MECOM: variants seen among roughly 807,000 people sequenced by gnomAD.
MECOM encodes MDS1 and EVI1 complex locus, also known as histone-lysine N-methyltransferase MECOM.
A neutral mutation model predicts 116.3 loss-of-function variants in MECOM; 13 were observed. The observed-to-expected ratio is 0.11, with a 90% CI of 0.07 to 0.18. The LOEUF (loss-of-function observed/expected upper bound fraction) is 0.18. Ranked by LOEUF, MECOM falls within the 10% of genes least tolerant of loss-of-function variation. The pLI, the probability that MECOM is intolerant of heterozygous loss-of-function variation, is 1.00. For missense variants in MECOM, 1,299 were observed against 1,509.0 expected, an observed-to-expected ratio of 0.86 and a Z score of 2.31; for synonymous variants, 528 against 535.2, an observed-to-expected ratio of 0.99 and a Z score of 0.19.
At chr3:169,265,331 T>G (rs761011365) in intron 2 of MECOM, among the ~76,000 whole-genome samples, 5 of 152,180 alleles carry the variant, frequency 3.3e-5, no homozygotes, top group Admixed American at 6.5e-5. Flanking sequence ...CCTTGCTGTG[T>G]GGGCAGACAG....
chr3:169,293,508 G>A (rs929038299), intron 2 of MECOM, among the ~76,000 whole-genome samples: 5 of 152,118 alleles, frequency 3.3e-5, no homozygotes, highest in African/African-American at 1.2e-4. Flanking sequence ...TAGCCCCATG[G>A]CTCACTGTTA....
intron 2 of MECOM, among the ~76,000 whole-genome samples, chr3:169,189,417 C>A (rs939809049): frequency 1.3e-5 from 2 of 151,980 alleles, no homozygotes; most frequent in African/African-American, 4.8e-5. Flanking sequence ...GGAAAAAAAT[C>A]CTTTGGGGCT....
At chr3:169,610,895 A>G (rs1201848366) in intron 1 of MECOM, among the ~76,000 whole-genome samples, 1 of 152,198 alleles carries the variant, frequency 6.6e-6, no homozygotes. Context: ...TGCTGAATGA[A>G]TGGATGACTG....
chr3:169,662,499 G>A (rs1312202916), intron 1 of MECOM, among the ~76,000 whole-genome samples: 1 of 152,088 alleles, frequency 6.6e-6, no homozygotes, highest in African/African-American at 2.4e-5. Flanking sequence ...CCCCACGTCC[G>A]AGCGCTCGCT....
intron 2 of MECOM, among the ~76,000 whole-genome samples, chr3:169,218,097 G>T (rs1451240037): frequency 2.6e-5 from 4 of 151,856 alleles, no homozygotes; most frequent in Non-Finnish European, 5.9e-5. Context: ...TAGCTTATAG[G>T]TTGATAATCC....
intron 1 of MECOM, among the ~76,000 whole-genome samples, chr3:169,645,063 A>G (rs956639235): frequency 6.6e-6 from 1 of 152,200 alleles, no homozygotes; most frequent in African/African-American, 2.4e-5. Flanking sequence ...ACCATTAGGA[A>G]CACAGACCAA....
At chr3:169,527,545 G>A (rs551375321) in intron 1 of MECOM, among the ~76,000 whole-genome samples, 3 of 152,218 alleles carry the variant, frequency 2.0e-5, no homozygotes, top group African/African-American at 7.2e-5. Context: ...TTTCTTTTCA[G>A]GGCTTTATAG....
At chr3:169,161,346 G>T (rs963511174) in intron 2 of MECOM, among the ~76,000 whole-genome samples, 3 of 152,060 alleles carry the variant, frequency 2.0e-5, no homozygotes, top group African/African-American at 7.2e-5. Context: ...AGCAAGAGAG[G>T]CACAGTCTTA....
At chr3:169,091,721 A>AG (rs1419057879) in intron 14 of MECOM, among the ~76,000 whole-genome samples, 2 of 152,102 alleles carry the variant, frequency 1.3e-5, no homozygotes, top group Non-Finnish European at 2.9e-5. Flanking sequence ...AGAGACTGGA[A>AG]GGGTCTTTTT....
At chr3:169,119,292 T>G (rs1160702622) in intron 7 of MECOM, among the ~76,000 whole-genome samples, 1 of 152,240 alleles carries the variant, frequency 6.6e-6, no homozygotes, top group East Asian at 1.9e-4. Context: ...TTTCCTGATC[T>G]TTAATCTCTT....
intron 2 of MECOM, among the ~76,000 whole-genome samples, chr3:169,281,422 C>T (rs900137599): frequency 6.6e-6 from 1 of 152,168 alleles, no homozygotes; most frequent in South Asian, 2.1e-4. Context: ...GCTTTGTGAA[C>T]TCTAAAGCAT....
intron 1 of MECOM, among the ~76,000 whole-genome samples, chr3:169,407,220 C>T (rs1736851021): frequency 6.6e-6 from 1 of 152,152 alleles, no homozygotes; most frequent in Admixed American, 6.5e-5. Flanking sequence ...GACAAATAAA[C>T]TCATTAAAAT....
intron 1 of MECOM, among the ~76,000 whole-genome samples, chr3:169,548,292 T>C (rs1232369948): frequency 6.6e-6 from 1 of 152,212 alleles, no homozygotes; most frequent in African/African-American, 2.4e-5. Flanking sequence ...CCTTTTTCTC[T>C]ATTTACTTAA....
intron 2 of MECOM, among the ~76,000 whole-genome samples, chr3:169,304,331 T>G (rs1261122075): frequency 1.3e-5 from 2 of 152,218 alleles, no homozygotes; most frequent in Non-Finnish European, 1.5e-5. Flanking sequence ...TTTGTTCCCA[T>G]GAGAATAATT....
Position 169,312,365 on chromosome 3 carries a change from A to ATTT in MECOM, c.375+68819_375+68821dup, listed in dbSNP as rs367932449. Among the ~76,000 whole-genome samples the ATTT allele has an allele frequency of 4.3e-4, 51 of 118,452 alleles. 3 individuals carry two copies. The highest frequency in any genetic ancestry group is 7.5e-4 in the African/African-American group (23 of 30,810). The allele number at this position is 118,452 out of a possible 152,430, so 77.7% of individuals were successfully genotyped here. A position where few individuals can be genotyped will look rare whatever the true frequency, so the allele number is the denominator to read the frequency against. ...ATGAGAAGAGGCAAGAATGACTGCA[A>ATTT]TTTTTTTTTTTTTTTTTTTTTGAGT... is the stretch of plus-strand genomic sequence containing the variant. On this transcript the variant is annotated intron_variant, in intron 2 of 16. Coordinates refer to ENST00000651503, the MANE Select transcript of MECOM (RefSeq NM_004991.4).
intron 2 of MECOM, among the ~76,000 whole-genome samples, chr3:169,200,732 C>G (rs1309669322): frequency 1.3e-5 from 2 of 151,984 alleles, no homozygotes; most frequent in Non-Finnish European, 2.9e-5. Context: ...AAGGTCTTCC[C>G]CAGACAGCTT....
At chr3:169,298,232 A>G (rs1716005641) in intron 2 of MECOM, among the ~76,000 whole-genome samples, 1 of 152,182 alleles carries the variant, frequency 6.6e-6, no homozygotes, top group Non-Finnish European at 1.5e-5. Context: ...TTTACAAAGA[A>G]TAAAACAGAA....
intron 1 of MECOM, among the ~76,000 whole-genome samples, chr3:169,548,129 A>G (rs1407413005): frequency 6.6e-6 from 1 of 152,186 alleles, no homozygotes; most frequent in Non-Finnish European, 1.5e-5. Context: ...GACCTTACTC[A>G]AGTCTTAAAT....
At chr3:169,601,446 G>C (rs556962384) in intron 1 of MECOM, among the ~76,000 whole-genome samples, 11 of 152,342 alleles carry the variant, frequency 7.2e-5, no homozygotes, top group Admixed American at 2.6e-4. Flanking sequence ...ACAAGGAATA[G>C]AGCACTGAGT....
Sources: gnomAD v4.1 joint callset for allele counts (sites outside exome capture counted in the v4.1 genomes callset) on GRCh38, gnomAD v4.1.1 for gene constraint, MANE v1.5 for transcripts, NCBI Gene and HGNC (gene_info 2026-07-23, HGNC 2026-07-21) for gene names.